RPP38: variants seen among roughly 807,000 people sequenced by gnomAD.
RPP38 encodes the protein ribonuclease P/MRP subunit p38, also known as ribonuclease P protein subunit p38.
Under a neutral mutation model 1.7 loss-of-function variants are expected in RPP38, and 2 were observed. That is an observed-to-expected ratio of 1.18 (90% CI 0.48 to 3.70). The LOEUF (loss-of-function observed/expected upper bound fraction) is 3.70, where lower values mean the gene tolerates loss of function less well. Ranked by LOEUF, RPP38 falls within the 30% of genes most tolerant of loss-of-function variation. The probability of loss-of-function intolerance (pLI) is 0.07; values close to 1 mark genes in which losing one functional copy is unlikely to be tolerated. For missense variants in RPP38, 358 were observed against 340.1 expected (o/e 1.05, Z -0.41); for synonymous variants, 151 against 131.8 (o/e 1.15, Z -1.00).
intron 1 of RPP38, among the ~76,000 whole-genome samples, chr10:15,098,116 A>T (rs1290834208): frequency 6.6e-6 from 1 of 151,152 alleles, no homozygotes; most frequent in Admixed American, 6.6e-5. Context: ...GTTGCTTCAC[A>T]CTGGAACGCT....
chr10:15,103,244 C>G, intron 2 of RPP38, 61 bp from the exon 3 acceptor site: 9 of 1,378,180 alleles, frequency 6.5e-6, no homozygotes, highest in Non-Finnish European at 6.9e-6. Context: ...TCAAGATATT[C>G]TTAAGTCATG....
At chr10:15,099,215 A>C (rs1845045697) in intron 1 of RPP38, among the ~76,000 whole-genome samples, 1 of 152,138 alleles carries the variant, frequency 6.6e-6, no homozygotes, top group Non-Finnish European at 1.5e-5. Flanking sequence ...GCAGGTGGGA[A>C]AATGCTGGCC....
rs199685363 is a variant in RPP38 at position 15,103,875 on chromosome 10, T to G, written c.561T>G (p.Thr187=). 1.1e-4 allele frequency: 177 copies of G among 1,614,196 alleles called. 1 individual carries two copies. The East Asian group carries it at 3.9e-3, about 35-fold the overall frequency. ...VLALAFKKNT[T]DFVDEVRAII... is the part of the protein sequence containing the mutation. ...CCTTGGCGTTCAAAAAGAACACCAC[T>G]GACTTTGTGGACGAAGTAAGAGCCA... Residue 187 remains threonine, a synonymous_variant, in exon 3 of 3, where the codon ACT becomes ACG. Coordinates refer to ENST00000378197, the MANE Select transcript of RPP38 (RefSeq NM_183005.5).
intron 2 of RPP38, 187 bp downstream of exon 2, chr10:15,102,523 A>C (rs746170912): frequency 5.3e-5 from 8 of 152,180 alleles, no homozygotes; most frequent in Non-Finnish European, 1.2e-4. Context: ...AAGCCCAACT[A>C]GATAGCATTT....
At chr10:15,098,676 A>G (rs1415710817) in intron 1 of RPP38, among the ~76,000 whole-genome samples, 1 of 150,472 alleles carries the variant, frequency 6.6e-6, no homozygotes, top group Non-Finnish European at 1.5e-5. Flanking sequence ...TCACAAAGTC[A>G]GGAGATCGAG....
intron 1 of RPP38, among the ~76,000 whole-genome samples, chr10:15,100,146 C>G (rs913624829): frequency 9.2e-5 from 14 of 152,198 alleles, no homozygotes; most frequent in African/African-American, 3.1e-4. Context: ...ATCGCCCCAG[C>G]AGATTCTGCA....
chr10:15,103,198 A>G, intron 2 of RPP38, 107 bp from the exon 3 acceptor site: 2 of 1,085,992 alleles, frequency 1.8e-6, no homozygotes, highest in East Asian at 2.7e-5. Flanking sequence ...GTCTCAAAAA[A>G]TAAATACATA....
chr10:15,098,884 CA>C (rs781428605), intron 1 of RPP38, among the ~76,000 whole-genome samples: 560 of 39,700 alleles, frequency 0.014, 1 homozygote, highest in African/African-American at 0.057. Flanking sequence ...GACTCCGTCT[CA>C]AAAAAAAAAA....
At chr10:15,099,350 C>T (rs978084545) in intron 1 of RPP38, among the ~76,000 whole-genome samples, 3 of 152,102 alleles carry the variant, frequency 2.0e-5, no homozygotes, top group African/African-American at 4.8e-5. Flanking sequence ...AGAGTTTAGG[C>T]GGGGCATGGT....
chr10:15,102,183 G>C (rs1428928772), intron 1 of RPP38, 35 bp from the exon 2 acceptor site: 1 of 145,872 alleles, frequency 6.9e-6, no homozygotes, highest in Non-Finnish European at 1.5e-5. Flanking sequence ...CATACTGGAG[G>C]TGCTCAGATC....
Position 15,097,754 on chromosome 10 carries a change from G to A in RPP38, c.-142G>A, listed in dbSNP as rs1844981867. On this transcript the variant is annotated 5_prime_UTR_variant, in exon 1 of 3. Transcript: ENST00000378197. ...GAACAACACTTCCGTGTGCTAAATA[G>A]TAAAGCACCAAGGTACTCGATCCAG... 6.6e-6 allele frequency: 1 copy of A among 152,290 alleles called. No homozygotes were observed. Among genetic ancestry groups the A allele is most frequent in the African/African-American group, 2.4e-5 (1 of 41,468 alleles). The allele number at this position is 152,290 out of a possible 1,614,324, so 9.4% of individuals were successfully genotyped here.
chr10:15,100,213 T>C (rs1315136555), intron 1 of RPP38, among the ~76,000 whole-genome samples: 1 of 152,104 alleles, frequency 6.6e-6, no homozygotes, highest in African/African-American at 2.4e-5. Flanking sequence ...TTTTAAGTAT[T>C]TATTCTGTGG....
rs1309018692 is a variant in RPP38, at chr10:15,097,380, T to A, written c.-516T>A. ...GGGCGCCGGTGCTGTTGCCTTCAGG[T>A]GACCACGGATTCGCCATCGTGAGTT... On this transcript the variant is annotated 5_prime_UTR_variant, in exon 1 of 3. Transcript: ENST00000378197. 1.3e-5 allele frequency: 2 copies of A among 152,256 alleles called. No homozygotes were observed. Among genetic ancestry groups the A allele is most frequent in the African/African-American group, 4.8e-5 (2 of 41,444 alleles). The allele number at this position is 152,256 out of a possible 1,614,324, so 9.4% of individuals were successfully genotyped here.
chr10:15,101,410 G>T (rs575400197), intron 1 of RPP38, among the ~76,000 whole-genome samples: 3 of 152,310 alleles, frequency 2.0e-5, no homozygotes, highest in Non-Finnish European at 4.4e-5. Flanking sequence ...GGGAAGAGAA[G>T]GGAGTGTGTA....
intron 1 of RPP38, among the ~76,000 whole-genome samples, chr10:15,098,936 C>T (rs1376797559): frequency 1.3e-5 from 2 of 151,330 alleles, no homozygotes; most frequent in Non-Finnish European, 2.9e-5. Context: ...CTTTTCCCAC[C>T]CCCCTCAACT....
At position 15,102,251 on chromosome 10, in the gene RPP38, G is replaced by A. The variant is rs1845129508; in HGVS notation, c.-96G>A. On this transcript the variant is annotated 5_prime_UTR_variant, in exon 2 of 3. In the 5' UTR this introduces an upstream ATG that the reference lacks. Transcript: ENST00000378197. ...AGATGTGTTACTGGGCTGGAGTGTG[G>A]TGGCACAATCACGCTCACTGCATCC... 6.6e-6 allele frequency: 1 copy of A among 151,324 alleles called. No homozygotes were observed. Among genetic ancestry groups the A allele is most frequent in the East Asian group, 1.9e-4 (1 of 5,158 alleles). The allele number at this position is 151,324 out of a possible 1,614,324, so 9.4% of individuals were successfully genotyped here. A position where few individuals can be genotyped will look rare whatever the true frequency, so the allele number is the denominator to read the frequency against.
At chr10:15,103,200 A>G in intron 2 of RPP38, 105 bp from the exon 3 acceptor site, 1 of 1,092,926 alleles carries the variant, frequency 9.1e-7, no homozygotes, top group Non-Finnish European at 1.3e-6. Context: ...CTCAAAAAAT[A>G]AATACATAAA....
At position 15,103,503 on chromosome 10, in the gene RPP38, G is replaced by A. The variant is rs1052156; in HGVS notation, c.189G>A (p.Lys63=). 14 of 1,613,954 alleles carry A rather than the reference G, an allele frequency of 8.7e-6. No homozygotes were observed. The highest frequency in any genetic ancestry group is 1.1e-5 in the Non-Finnish European group (13 of 1,179,994). ...TTGGACTTCAGAAGATTGAAGATAA[G>A]AAGAAAAAGAACAAAACACCTTTTC... ...KAIGLQKIED[K]KKKNKTPFLK... is the part of the protein sequence containing the mutation. Residue 63 remains lysine, a synonymous_variant, in exon 3 of 3, where the codon AAG becomes AAA. Coordinates refer to ENST00000378197, the MANE Select transcript of RPP38 (RefSeq NM_183005.5).
rs1845130031 is a variant in RPP38, at chr10:15,102,272, C to T, written c.-75C>T. 6.6e-6 allele frequency: 1 copy of T among 151,324 alleles called. No homozygotes were observed. The highest frequency in any genetic ancestry group is 6.6e-5 in the Admixed American group (1 of 15,138). 9.4% of individuals were successfully genotyped at this position (151,324 alleles called of 1,614,324 possible). ...TGTGGTGGCACAATCACGCTCACTGCATCCTTGACCTCCTGGGCTCAAGTG... is the reference window on the plus strand; with the variant it reads ...TGTGGTGGCACAATCACGCTCACTGTATCCTTGACCTCCTGGGCTCAAGTG... On this transcript the variant is annotated 5_prime_UTR_variant, in exon 2 of 3. Coordinates refer to ENST00000378197, the MANE Select transcript of RPP38 (RefSeq NM_183005.5).
Sources: allele counts gnomAD v4.1 joint callset (sites outside exome capture counted in the v4.1 genomes callset), GRCh38; gene constraint gnomAD v4.1.1; transcripts MANE v1.5; gene names NCBI Gene and HGNC (gene_info 2026-07-23, HGNC 2026-07-21).